Variants in E2F1 observed in about 807,000 individuals in gnomAD.
E2F1 encodes transcription factor E2F1.
Under a neutral mutation model 36.9 loss-of-function variants are expected in E2F1, and 7 were observed. That is an observed-to-expected ratio of 0.19 (90% CI 0.11 to 0.36). The LOEUF (loss-of-function observed/expected upper bound fraction) is 0.36, where lower values mean the gene tolerates loss of function less well. Among genes scored for constraint, E2F1 ranks in the 10% least tolerant of loss-of-function variants. E2F1 has a pLI of 1.00. For synonymous variants in E2F1, 261 were observed against 263.1 expected (o/e 0.99, Z 0.08); for missense variants, 406 against 573.6 (o/e 0.71, Z 2.99).
chr20:33,678,216 T>A lies in E2F1; in HGVS notation c.710A>T (p.Asp237Val), dbSNP rs1453289243. ...CCAAGGATATCGCTGGCTGTCAGTG[T>A]CCTCGGAGAGCAGGCGCAGCTGCGT... is the stretch of plus-strand genomic sequence containing the variant. ...CTTQLRLLSEDTDSQRLAYVT... is the reference protein window; with the variant it reads ...CTTQLRLLSEVTDSQRLAYVT... Residue 237 changes from aspartate (D) to valine (V), a missense_variant, in exon 4 of 7, where the codon GAC becomes GTC. By Grantham distance (152) the Asp-to-Val change is radical. This residue lies in a region of E2F1 where 93 missense variants were observed against 143.3 expected (regional missense o/e 0.65). Transcript: ENST00000343380. 1 of 1,613,064 alleles carries A rather than the reference T, an allele frequency of 6.2e-7. No individual in the cohort carries two copies. Among genetic ancestry groups the A allele is most frequent in the South Asian group, 1.1e-5 (1 of 90,996 alleles).
At position 33,676,708 on chromosome 20, in the gene E2F1, A is replaced by T; in HGVS notation, c.*24T>A. On this transcript the variant is annotated 3_prime_UTR_variant, in exon 7 of 7. Coordinates refer to ENST00000343380, the MANE Select transcript of E2F1 (RefSeq NM_005225.3). ...GCAGAGACAAGGTGAGCATCTCTGG[A>T]AACCCTGGTCCCTCCAAGCCCTGTC... 1 of 1,579,584 alleles carries T rather than the reference A, an allele frequency of 6.3e-7. No homozygotes were observed. The highest frequency in any genetic ancestry group is 8.6e-7 in the Non-Finnish European group (1 of 1,161,578).
chr20:33,683,308 G>A (rs1019382661), intron 1 of E2F1, among the ~76,000 whole-genome samples: 2 of 151,986 alleles, frequency 1.3e-5, no homozygotes, highest in Non-Finnish European at 2.9e-5. Flanking sequence ...AAAATTAGCC[G>A]GGTATGGTGG....
intron 1 of E2F1, among the ~76,000 whole-genome samples, chr20:33,683,599 C>CCTCT (rs1262851606): frequency 1.3e-5 from 2 of 151,122 alleles, no homozygotes; most frequent in African/African-American, 4.9e-5. Context: ...ATGGCAAGAC[C>CCTCT]CTCTCTCTAC....
In E2F1 at chr20:33,676,661, AGGG is replaced by A. The variant is rs2017961822; in HGVS notation, c.*68_*70del. On this transcript the variant is annotated 3_prime_UTR_variant, in exon 7 of 7. Coordinates refer to ENST00000343380, the MANE Select transcript of E2F1 (RefSeq NM_005225.3). ...TTCCAAACAGGCTGGGAGGACGGCC[AGGG>A]ACAGGGGGCTCCAGGGCTGCAGAGA... 14 of 1,512,356 alleles carry A rather than the reference AGGG, an allele frequency of 9.3e-6. No homozygotes were observed. The highest frequency in any genetic ancestry group is 1.2e-5 in the Non-Finnish European group (14 of 1,130,040). The allele number at this position is 1,512,356 out of a possible 1,614,324, so 93.7% of individuals were successfully genotyped here.
intron 1 of E2F1, among the ~76,000 whole-genome samples, chr20:33,682,350 C>T (rs560360670): frequency 7.2e-5 from 11 of 152,304 alleles, no homozygotes; most frequent in South Asian, 2.1e-4. Context: ...TGCAACCCTC[C>T]GGCCACCTTT....
In E2F1 at chr20:33,679,484, C is replaced by T. The variant is rs540460563; in HGVS notation, c.572+271G>A. ...ACCTGAACCTGGGAGGTAGAGGTTACAGTGAGCTGAGATTACACCACTGCA... is the reference window on the plus strand; with the variant it reads ...ACCTGAACCTGGGAGGTAGAGGTTATAGTGAGCTGAGATTACACCACTGCA... On this transcript the variant is annotated intron_variant, in intron 3 of 6. Transcript: ENST00000343380. The surrounding 1 kb of genome is among the most constrained non-coding windows in gnomAD (Gnocchi z 4.6). Among the ~76,000 whole-genome samples the T allele has an allele frequency of 6.6e-6, 1 of 152,324 alleles. No homozygotes were observed. The highest frequency in any genetic ancestry group is 1.5e-5 in the Non-Finnish European group (1 of 68,020).
intron 4 of E2F1, among the ~76,000 whole-genome samples, chr20:33,677,941 T>A (rs2071055): frequency 0.15 from 22,189 of 152,224 alleles, 2,049 homozygotes; most frequent in East Asian, 0.4. Context: ...ATTACAGGCA[T>A]GAACCACCGC....
intron 3 of E2F1, among the ~76,000 whole-genome samples, chr20:33,678,946 ACC>A (rs1184884178): frequency 6.6e-6 from 1 of 150,450 alleles, no homozygotes; most frequent in Non-Finnish European, 1.5e-5. Flanking sequence ...GTCTCAAACC[ACC>A]CCCCTCCACC....
At chr20:33,677,989 G>C (rs569118017) in intron 4 of E2F1, among the ~76,000 whole-genome samples, 1 of 152,278 alleles carries the variant, frequency 6.6e-6, no homozygotes, top group East Asian at 1.9e-4. Context: ...TACAATTTCA[G>C]AATTGGATAT....
Position 33,679,691 on chromosome 20 carries a change from A to T in E2F1, c.572+64T>A. 1 of 1,492,572 alleles carries T rather than the reference A, an allele frequency of 6.7e-7. No individual in the cohort carries two copies. The highest frequency in any genetic ancestry group is 9.3e-7 in the Non-Finnish European group (1 of 1,071,222). The allele number at this position is 1,492,572 out of a possible 1,614,324, so 92.5% of individuals were successfully genotyped here. A position where few individuals can be genotyped will look rare whatever the true frequency, so the allele number is the denominator to read the frequency against. ...GATGCAGGCAGCCACAGTGGGTATTACTACCAGCTCCTCCAGGCTGGCATG... is the reference window on the plus strand; with the variant it reads ...GATGCAGGCAGCCACAGTGGGTATTTCTACCAGCTCCTCCAGGCTGGCATG... On this transcript the variant is annotated intron_variant, in intron 3 of 6. Transcript: ENST00000343380. The surrounding 1 kb of genome is among the most constrained non-coding windows in gnomAD (Gnocchi z 4.6).
rs2122555249 is a variant in E2F1, at chr20:33,686,294, C to G, written c.-30G>C. 1 of 999,054 alleles carries G rather than the reference C, an allele frequency of 1.0e-6. No individual in the cohort carries two copies. The highest frequency in any genetic ancestry group is 4.5e-5 in the South Asian group (1 of 22,146). 61.9% of individuals were successfully genotyped at this position (999,054 alleles called of 1,614,324 possible). ...CTCACGGCCCGCGCGGCCCGGGTGACAGGCGGCGGCGGCGGCGCGGGCCCA... is the reference window on the plus strand; with the variant it reads ...CTCACGGCCCGCGCGGCCCGGGTGAGAGGCGGCGGCGGCGGCGCGGGCCCA... On this transcript the variant is annotated 5_prime_UTR_variant, in exon 1 of 7. Transcript: ENST00000343380.
Position 33,683,450 on chromosome 20 carries a change from C to CAA in E2F1, c.261+2552_261+2553dup, listed in dbSNP as rs60838396. 8.5e-3 allele frequency among the ~76,000 whole-genome samples: 463 copies of CAA among 54,562 alleles called. 11 individuals carry two copies. The highest frequency in any genetic ancestry group is 0.022 in the African/African-American group (394 of 17,574). The allele number at this position is 54,562 out of a possible 152,430, so 35.8% of individuals were successfully genotyped here. A position where few individuals can be genotyped will look rare whatever the true frequency, so the allele number is the denominator to read the frequency against. On this transcript the variant is annotated intron_variant, in intron 1 of 6. Coordinates refer to ENST00000343380, the MANE Select transcript of E2F1 (RefSeq NM_005225.3). ...TAGGTGACAGAGCGAGACTTCATCT[C>CAA]AAAAAAAAAAAAAAAAAAAAGAGTT...
At position 33,686,335 on chromosome 20, in the gene E2F1, GC is replaced by G. The variant is rs1317857752; in HGVS notation, c.-72del. On this transcript the variant is annotated 5_prime_UTR_variant, in exon 1 of 7. Coordinates refer to ENST00000343380, the MANE Select transcript of E2F1 (RefSeq NM_005225.3). ...CGCGGGCCCATGGCGGCAGGCCTCGGCGAGGGCTCGATCCCGCTCCGCCCCC... is the reference window on the plus strand; with the variant it reads ...CGCGGGCCCATGGCGGCAGGCCTCGGGAGGGCTCGATCCCGCTCCGCCCCC... 1.0e-6 allele frequency: 1 copy of G among 988,806 alleles called. No individual in the cohort carries two copies. Among genetic ancestry groups the G allele is most frequent in the Non-Finnish European group, 1.2e-6 (1 of 831,660 alleles). The allele number at this position is 988,806 out of a possible 1,614,324, so 61.3% of individuals were successfully genotyped here. A position where few individuals can be genotyped will look rare whatever the true frequency, so the allele number is the denominator to read the frequency against.
intron 1 of E2F1, among the ~76,000 whole-genome samples, chr20:33,683,748 G>C (rs2018038763): frequency 6.6e-6 from 1 of 151,882 alleles, no homozygotes; most frequent in South Asian, 2.1e-4. Flanking sequence ...CTCCAGCCTG[G>C]GTAACAGAAT....
rs768640915 is a variant in E2F1, at chr20:33,677,234, A to G, written c.937T>C (p.Ser313Pro). 7.4e-6 allele frequency: 12 copies of G among 1,613,948 alleles called. No homozygotes were observed. The East Asian group carries it at 2.7e-4, about 36-fold the overall frequency. The change falls in exon 6 of 7, where the codon TCC (serine) becomes CCC (proline). Residue 313 changes from serine (S) to proline (P), a missense_variant. Around this residue, in one of 5 missense-constraint regions of E2F1, gnomAD observed 163 missense variants for 181.5 expected, o/e 0.90. Coordinates refer to ENST00000343380, the MANE Select transcript of E2F1 (RefSeq NM_005225.3). ...VGGISPGKTP[S>P]QEVTSEEENR... The stretch of plus-strand genomic sequence containing the variant: ...TCCTCCTCAGAAGTGACCTCCTGGG[A>G]TGGGGTCTTCCCAGGGCTGATCCCA...
chr20:33,680,661 C>A (rs947149611), intron 1 of E2F1, among the ~76,000 whole-genome samples: 2 of 152,204 alleles, frequency 1.3e-5, no homozygotes, highest in Admixed American at 1.3e-4. Context: ...ACTTTCTGAT[C>A]CTTCTCCTTC....
At position 33,679,636 on chromosome 20, in the gene E2F1, C is replaced by T. The variant is rs3213168; in HGVS notation, c.572+119G>A. 43 of 907,716 alleles carry T rather than the reference C, an allele frequency of 4.7e-5. No homozygotes were observed. The African/African-American group carries it at 6.4e-4, about 13-fold the overall frequency. 56.2% of individuals were successfully genotyped at this position (907,716 alleles called of 1,614,324 possible). ...ATCTCAGGGAAGCTACCTCTCCTCT[C>T]TGAGCCCGTTTCCCCAGCTATAAGA... On this transcript the variant is annotated intron_variant, in intron 3 of 6. Coordinates refer to ENST00000343380, the MANE Select transcript of E2F1 (RefSeq NM_005225.3). This position sits in a 1 kb window ranked among gnomAD's most constrained non-coding sequence, Gnocchi z 4.6.
At chr20:33,682,775 T>C (rs931238495) in intron 1 of E2F1, among the ~76,000 whole-genome samples, 1 of 152,238 alleles carries the variant, frequency 6.6e-6, no homozygotes, top group East Asian at 1.9e-4. Flanking sequence ...ACGAAAGCTG[T>C]GCTTTGTTTA....
chr20:33,686,340 G>T lies in E2F1; in HGVS notation c.-76C>A. ...GCCCATGGCGGCAGGCCTCGGCGAG[G>T]GCTCGATCCCGCTCCGCCCCCGGCC... On this transcript the variant is annotated 5_prime_UTR_variant, in exon 1 of 7. Transcript: ENST00000343380. 2 of 984,504 alleles carry T rather than the reference G, an allele frequency of 2.0e-6. No individual in the cohort carries two copies. The highest frequency in any genetic ancestry group is 5.2e-4 in the Middle Eastern group (1 of 1,936). 61.0% of individuals were successfully genotyped at this position (984,504 alleles called of 1,614,324 possible). A position where few individuals can be genotyped will look rare whatever the true frequency, so the allele number is the denominator to read the frequency against.
Sources: allele counts gnomAD v4.1 joint callset (sites outside exome capture counted in the v4.1 genomes callset), GRCh38; gene constraint gnomAD v4.1.1; regional missense constraint gnomAD v4.1.1; non-coding constraint Gnocchi (gnomAD v3.1); transcripts MANE v1.5; gene names NCBI Gene and HGNC (gene_info 2026-07-23, HGNC 2026-07-21).